KAZN: variants seen among roughly 807,000 people sequenced by gnomAD.
KAZN encodes kazrin.
KAZN carries 40 observed loss-of-function variants against 87.4 expected under a neutral mutation model. The observed-to-expected ratio is 0.46, with a 90% CI of 0.36 to 0.60. KAZN has a LOEUF of 0.60. Ranked by LOEUF, KAZN falls within the 20% of genes least tolerant of loss-of-function variation. KAZN has a pLI of 0.00. For missense variants in KAZN, 898 were observed against 1,073.9 expected (o/e 0.84, Z 2.29); for synonymous variants, 466 against 458.3 (o/e 1.02, Z -0.22).
At chr1:14,149,901 C>T (rs916237657) in intron 1 of KAZN, among the ~76,000 whole-genome samples, 3 of 152,066 alleles carry the variant, frequency 2.0e-5, no homozygotes, top group South Asian at 4.1e-4. Flanking sequence ...AGAGGAAAAC[C>T]GATCTCTCTA....
intron 1 of KAZN, among the ~76,000 whole-genome samples, chr1:14,866,645 T>G (rs979820644): frequency 9.9e-5 from 15 of 152,196 alleles, no homozygotes; most frequent in African/African-American, 3.4e-4. Context: ...GAGGATCCCT[T>G]GAGCCCAGGA....
intron 1 of KAZN, among the ~76,000 whole-genome samples, chr1:14,096,621 T>C (rs1644134690): frequency 6.6e-6 from 1 of 152,240 alleles, no homozygotes; most frequent in Non-Finnish European, 1.5e-5. Flanking sequence ...CCAGGCACTG[T>C]TGGAATTCTT....
At chr1:14,070,175 A>T in intron 1 of KAZN, among the ~76,000 whole-genome samples, 1 of 150,358 alleles carries the variant, frequency 6.7e-6, no homozygotes, top group East Asian at 2.0e-4. Flanking sequence ...CTCAAAAAAA[A>T]AAAAAGTAAA....
At position 14,233,732 on chromosome 1, in the gene KAZN, C is replaced by T. The variant is rs1186435051; in HGVS notation, c.249+53140C>T. Among the ~76,000 whole-genome samples the T allele has an allele frequency of 8.5e-5, 13 of 152,316 alleles. No individual in the cohort carries two copies. In the East Asian group the frequency reaches 2.5e-3, roughly 29 times the overall value. Reference sequence around the variant, plus strand: ...CTTTTTAAAGTACTGGTCAGAAAACCTCCACAGTGTGTCTTTTGTATGCAG... The same window carrying T: ...CTTTTTAAAGTACTGGTCAGAAAACTTCCACAGTGTGTCTTTTGTATGCAG... On this transcript the variant is annotated intron_variant, in intron 2 of 16. Transcript: ENST00000636203.
At chr1:14,520,502 C>G (rs1253578094) in intron 2 of KAZN, among the ~76,000 whole-genome samples, 1 of 152,210 alleles carries the variant, frequency 6.6e-6, no homozygotes, top group Non-Finnish European at 1.5e-5. Context: ...AAAACACACA[C>G]ACTAATCCAA....
At chr1:14,597,871 A>G (rs945360469), upstream of KAZN, among the ~76,000 whole-genome samples, 6 of 152,166 alleles carry the variant, frequency 3.9e-5, no homozygotes, top group Non-Finnish European at 8.8e-5. Flanking sequence ...GGAGCTGGAG[A>G]GGGCATATCA....
At chr1:14,370,667 A>G (rs1470919315) in intron 2 of KAZN, among the ~76,000 whole-genome samples, 5 of 152,088 alleles carry the variant, frequency 3.3e-5, no homozygotes, top group Admixed American at 3.3e-4. Context: ...TTCTTTGGAG[A>G]GTCATGAAGT....
rs993297803 is a variant in KAZN, at chr1:15,099,721, G to A, written c.1548-1822G>A. On this transcript the variant is annotated intron_variant, in intron 10 of 14. Coordinates refer to ENST00000376030, the MANE Select transcript of KAZN (RefSeq NM_201628.3). The surrounding 1 kb of genome is among the most constrained non-coding windows in gnomAD (Gnocchi z 5.4). ...GCCACAGAGTGTTGAGCAGGGGAGT[G>A]CACGGTCACACTGACATTTTAAAAG... Among the ~76,000 whole-genome samples, 6 of 152,146 alleles carry A rather than the reference G, an allele frequency of 3.9e-5. No homozygotes were observed. The highest frequency in any genetic ancestry group is 1.2e-4 in the African/African-American group (5 of 41,414).
At chr1:13,920,666 G>A (rs1023172177) in intron 1 of KAZN, among the ~76,000 whole-genome samples, 1 of 152,144 alleles carries the variant, frequency 6.6e-6, no homozygotes, top group Non-Finnish European at 1.5e-5. Context: ...CTTATTGCAG[G>A]CTCAGAATGT....
chr1:14,964,255 T>A (rs1259127912), intron 2 of KAZN, among the ~76,000 whole-genome samples: 1 of 152,238 alleles, frequency 6.6e-6, no homozygotes, highest in Non-Finnish European at 1.5e-5. Flanking sequence ...TAACAATGCC[T>A]GTTTTTCTTA....
rs556449619 is a variant in KAZN at position 15,053,437 on chromosome 1, AC to A, written c.727-2653del. ...CAGAGCTGTTCCCTGGGCCATCAAC[AC>A]AACAAAGGCTCTGTGAAGCAGCGAC... On this transcript the variant is annotated intron_variant, in intron 4 of 14. Transcript: ENST00000376030. Among the ~76,000 whole-genome samples, 7 of 152,330 alleles carry A rather than the reference AC, an allele frequency of 4.6e-5. No individual in the cohort carries two copies. In the East Asian group the frequency reaches 1.4e-3, roughly 29 times the overall value.
At chr1:14,668,368 C>G (rs909752014) in intron 1 of KAZN, among the ~76,000 whole-genome samples, 1 of 152,146 alleles carries the variant, frequency 6.6e-6, no homozygotes, top group Non-Finnish European at 1.5e-5. Context: ...CTTTCCAGTC[C>G]TATGTGAAGT....
chr1:15,030,170 A>G (rs1288758018), intron 2 of KAZN, among the ~76,000 whole-genome samples: 3 of 152,216 alleles, frequency 2.0e-5, no homozygotes, highest in Admixed American at 2.0e-4. Flanking sequence ...GCGCATGTGC[A>G]AATGGAAATT....
rs112522340 is a variant in KAZN at position 14,167,740 on chromosome 1, C to CAAAAAAA, written c.92-12692_92-12691insAAAAAAA. Among the ~76,000 whole-genome samples, 70 of 151,830 alleles carry CAAAAAAA rather than the reference C, an allele frequency of 4.6e-4. 1 individual carries two copies. The East Asian group carries it at 5.5e-3, about 12-fold the overall frequency. On this transcript the variant is annotated intron_variant, in intron 1 of 16. Coordinates refer to the KAZN transcript ENST00000636203. ...TCTGTCAAAAAAACAAAAACAAAAA[C>CAAAAAAA]AAACAAGGAAGCACCTGAAAAATGG...
At chr1:14,783,918 C>T (rs547718539) in intron 1 of KAZN, among the ~76,000 whole-genome samples, 7 of 152,136 alleles carry the variant, frequency 4.6e-5, no homozygotes, top group Admixed American at 3.3e-4. Context: ...ACTGGAGAGG[C>T]GAGGAGAGAC....
chr1:14,656,705 C>T (rs956540014), intron 1 of KAZN, among the ~76,000 whole-genome samples: 8 of 152,272 alleles, frequency 5.3e-5, no homozygotes, highest in Middle Eastern at 3.4e-3. Flanking sequence ...GCCAAGGGGA[C>T]GGCGCTACGC....
intron 2 of KAZN, among the ~76,000 whole-genome samples, chr1:14,225,242 T>C (rs768056764): frequency 4.6e-5 from 7 of 152,174 alleles, no homozygotes; most frequent in Non-Finnish European, 8.8e-5. Context: ...GCCACATTTC[T>C]ATACATCACC....
In KAZN at chr1:14,924,488, C is replaced by G. The variant is rs1658926521; in HGVS notation, c.227-36196C>G. ...GCCCCCGGGACCCGCAGCCTGCGAGCAGTGCGTGGACGCGGCGGGGCCCGG... is the reference window on the plus strand; with the variant it reads ...GCCCCCGGGACCCGCAGCCTGCGAGGAGTGCGTGGACGCGGCGGGGCCCGG... On this transcript the variant is annotated intron_variant, in intron 1 of 14. Transcript: ENST00000376030. The G allele has an allele frequency of 1.6e-5, 16 of 995,846 alleles. No individual in the cohort carries two copies. The South Asian group carries it at 5.9e-4, about 36-fold the overall frequency. 61.7% of individuals were successfully genotyped at this position (995,846 alleles called of 1,614,324 possible).
At position 14,721,559 on chromosome 1, in the gene KAZN, G is replaced by A. The variant is rs560972485; in HGVS notation, c.226+122336G>A. Among the ~76,000 whole-genome samples, 15 of 152,340 alleles carry A rather than the reference G, an allele frequency of 9.8e-5. No individual in the cohort carries two copies. The South Asian group carries it at 2.5e-3, about 25-fold the overall frequency. ...CTTGAAGGCAGCCTTGTTCGTGTTC[G>A]AGGTCTGGTTGTGTTGAGTATTTAC... On this transcript the variant is annotated intron_variant, in intron 1 of 14. Coordinates refer to ENST00000376030, the MANE Select transcript of KAZN (RefSeq NM_201628.3).
Sources: allele counts gnomAD v4.1 joint callset (sites outside exome capture counted in the v4.1 genomes callset), GRCh38; gene constraint gnomAD v4.1.1; non-coding constraint Gnocchi (gnomAD v3.1); transcripts MANE v1.5; gene names NCBI Gene and HGNC (gene_info 2026-07-23, HGNC 2026-07-21).